The following HS3ST2 variants were observed in gnomAD, a reference collection of about 807,000 sequenced individuals.
HS3ST2 encodes heparan sulfate glucosamine 3-O-sulfotransferase 2.
In HS3ST2, 17 loss-of-function variants were observed where a neutral mutation model predicts 26.3. That is an observed-to-expected ratio of 0.65 (90% CI 0.44 to 0.97). The LOEUF is 0.97. Ranked by LOEUF, HS3ST2 falls within the 50% of genes least tolerant of loss-of-function variation. The probability of loss-of-function intolerance (pLI) is 0.00; values close to 1 mark genes in which losing one functional copy is unlikely to be tolerated. For missense variants in HS3ST2, 402 were observed against 501.2 expected (o/e 0.80, Z 1.89); for synonymous variants, 237 against 219.2 (o/e 1.08, Z -0.72).
chr16:22,823,419 T>C (rs1901030555), intron 1 of HS3ST2, among the ~76,000 whole-genome samples: 1 of 152,134 alleles, frequency 6.6e-6, no homozygotes, highest in South Asian at 2.1e-4. Context: ...GTCTGTGTAG[T>C]ACCTAAAATT....
intron 1 of HS3ST2, among the ~76,000 whole-genome samples, chr16:22,910,664 A>T (rs952609279): frequency 2.6e-5 from 4 of 152,234 alleles, no homozygotes; most frequent in Non-Finnish European, 5.9e-5. Context: ...CTCAATACTA[A>T]TAAATACGAT....
At chr16:22,896,381 G>A (rs1042308382) in intron 1 of HS3ST2, among the ~76,000 whole-genome samples, 1 of 152,178 alleles carries the variant, frequency 6.6e-6, no homozygotes, top group African/African-American at 2.4e-5. Flanking sequence ...ATTTCGTTCA[G>A]ACTAGGCTGA....
chr16:22,866,221 T>C (rs1440528690), intron 1 of HS3ST2, among the ~76,000 whole-genome samples: 2 of 152,102 alleles, frequency 1.3e-5, no homozygotes, highest in African/African-American at 4.8e-5. Context: ...TAGCAGATGA[T>C]GGTATTGTCT....
chr16:22,816,307 C>A lies in HS3ST2; in HGVS notation c.485+1212C>A, dbSNP rs532577970. On this transcript the variant is annotated intron_variant, in intron 1 of 1. Coordinates refer to ENST00000261374, the MANE Select transcript of HS3ST2 (RefSeq NM_006043.2). Reference sequence around the variant, plus strand: ...CTGAGGCTAAATCTGCTGTTTTTATCTACAGCTTTAGGCAGTAGAGGTCAT... The same window carrying A: ...CTGAGGCTAAATCTGCTGTTTTTATATACAGCTTTAGGCAGTAGAGGTCAT... 4.2e-4 allele frequency among the ~76,000 whole-genome samples: 64 copies of A among 152,302 alleles called. 1 individual carries two copies. The highest frequency in any genetic ancestry group is 8.5e-4 in the Non-Finnish European group (58 of 68,026).
chr16:22,840,037 G>A (rs1901329609), intron 1 of HS3ST2, among the ~76,000 whole-genome samples: 1 of 152,226 alleles, frequency 6.6e-6, no homozygotes, highest in South Asian at 2.1e-4. Flanking sequence ...CAATGATAAT[G>A]TGGCTAATGT....
At chr16:22,831,750 T>A (rs1485504922) in intron 1 of HS3ST2, among the ~76,000 whole-genome samples, 1 of 152,036 alleles carries the variant, frequency 6.6e-6, no homozygotes, top group Non-Finnish European at 1.5e-5. Flanking sequence ...TCAGACAAAA[T>A]GAAAATGACA....
At chr16:22,894,501 T>A (rs1902178556) in intron 1 of HS3ST2, among the ~76,000 whole-genome samples, 1 of 152,078 alleles carries the variant, frequency 6.6e-6, no homozygotes, top group African/African-American at 2.4e-5. Context: ...TTTTGGAAGG[T>A]TCTGTGTCAA....
chr16:22,829,347 A>T (rs1189846420), intron 1 of HS3ST2, among the ~76,000 whole-genome samples: 1 of 152,118 alleles, frequency 6.6e-6, no homozygotes, highest in Non-Finnish European at 1.5e-5. Context: ...CCATTTATAC[A>T]AGTCTTATTT....
chr16:22,869,573 C>T lies in HS3ST2; in HGVS notation c.486-45371C>T, dbSNP rs911451668. Among the ~76,000 whole-genome samples the T allele has an allele frequency of 1.4e-4, 22 of 152,260 alleles. No individual in the cohort carries two copies. In the East Asian group the frequency reaches 1.9e-3, roughly 13 times the overall value. On this transcript the variant is annotated intron_variant, in intron 1 of 1. Transcript: ENST00000261374. ...TGGTGGAAGGCAAGAAGGAGAAATTCGTGTCTTACATGGATGGCAGCAGGC... is the reference window on the plus strand; with the variant it reads ...TGGTGGAAGGCAAGAAGGAGAAATTTGTGTCTTACATGGATGGCAGCAGGC...
intron 1 of HS3ST2, among the ~76,000 whole-genome samples, chr16:22,847,562 CA>C (rs1425095115): frequency 1.3e-5 from 2 of 151,850 alleles, no homozygotes; most frequent in Non-Finnish European, 2.9e-5. Flanking sequence ...TGAAACCAAA[CA>C]ATATCCATTA....
chr16:22,856,448 G>A (rs1044210486), intron 1 of HS3ST2, among the ~76,000 whole-genome samples: 1 of 152,044 alleles, frequency 6.6e-6, no homozygotes, highest in African/African-American at 2.4e-5. Flanking sequence ...GATTATTTTT[G>A]CATCTTTAAG....
chr16:22,883,997 C>T (rs1902027610), intron 1 of HS3ST2, among the ~76,000 whole-genome samples: 1 of 152,166 alleles, frequency 6.6e-6, no homozygotes, highest in Admixed American at 6.5e-5. Context: ...CAAAACAACT[C>T]GGTCCTGCCC....
chr16:22,851,776 C>G (rs1901522314), intron 1 of HS3ST2, among the ~76,000 whole-genome samples: 1 of 152,190 alleles, frequency 6.6e-6, no homozygotes, highest in African/African-American at 2.4e-5. Context: ...CATAAATATT[C>G]ACTCCCATCT....
intron 1 of HS3ST2, among the ~76,000 whole-genome samples, chr16:22,902,011 C>A (rs1035075209): frequency 1.3e-5 from 2 of 152,288 alleles, no homozygotes; most frequent in East Asian, 3.9e-4. Context: ...CAGCCCAGAT[C>A]CCCCAAGGTT....
intron 1 of HS3ST2, among the ~76,000 whole-genome samples, chr16:22,888,942 G>A (rs1170348142): frequency 1.3e-5 from 2 of 152,088 alleles, no homozygotes; most frequent in Non-Finnish European, 1.5e-5. Context: ...TTGTCTTCTT[G>A]GCTAAAACAT....
Position 22,814,922 on chromosome 16 carries a change from C to G in HS3ST2, c.312C>G (p.Ser104=). 6.2e-7 allele frequency: 1 copy of G among 1,600,594 alleles called. No individual in the cohort carries two copies. The change falls in exon 1 of 2, where the codon TCC becomes TCG. Residue 104 remains serine, a synonymous_variant. Coordinates refer to ENST00000261374, the MANE Select transcript of HS3ST2 (RefSeq NM_006043.2). ...CTCGCCTCTCCGGTTCCAACCACTC[C>G]GGCTCACCCAAGCTGGGTACCAAGC... is the stretch of plus-strand genomic sequence containing the variant. ...PAPRLSGSNH[S]GSPKLGTKRL...
intron 1 of HS3ST2, among the ~76,000 whole-genome samples, chr16:22,896,517 T>C (rs1188174347): frequency 6.6e-6 from 1 of 152,214 alleles, no homozygotes; most frequent in Admixed American, 6.5e-5. Flanking sequence ...AACTACAAGT[T>C]GCCTATAACC....
rs1387604452 is a variant in HS3ST2 at position 22,815,025 on chromosome 16, G to A, written c.415G>A (p.Asp139Asn). Residue 139 changes from aspartate to asparagine, a missense_variant, in exon 1 of 2, where the codon GAC becomes AAC. Coordinates refer to ENST00000261374, the MANE Select transcript of HS3ST2 (RefSeq NM_006043.2). ...GCTGGAGTTTATCCGAGTACACCCG[G>A]ACGTGCGGGCCTTGGGCACGGAACC... ...AVLEFIRVHP[D>N]VRALGTEPHF... The A allele has an allele frequency of 6.2e-7, 1 of 1,613,172 alleles. No homozygotes were observed. The highest frequency in any genetic ancestry group is 1.1e-5 in the South Asian group (1 of 91,082).
chr16:22,868,269 C>T (rs1225624037), intron 1 of HS3ST2, among the ~76,000 whole-genome samples: 3 of 151,812 alleles, frequency 2.0e-5, no homozygotes, highest in Admixed American at 6.6e-5. Context: ...ATTAGCTGGG[C>T]GTGGTGGCAT....
Sources: allele counts gnomAD v4.1 joint callset (sites outside exome capture counted in the v4.1 genomes callset), GRCh38; gene constraint gnomAD v4.1.1; transcripts MANE v1.5; gene names NCBI Gene and HGNC (gene_info 2026-07-23, HGNC 2026-07-21).